The following MYH15 variants were observed in gnomAD, a reference collection of about 807,000 sequenced individuals.
The protein encoded by MYH15 is myosin-15.
In MYH15, 227 loss-of-function variants were observed where a neutral mutation model predicts 240.5. That is an observed-to-expected ratio of 0.94 (90% CI 0.85 to 1.05). MYH15 has a LOEUF of 1.05. Among genes scored for constraint, MYH15 ranks in the 50% least tolerant of loss-of-function variants. The probability of loss-of-function intolerance (pLI) is 0.00; values close to 1 mark genes in which losing one functional copy is unlikely to be tolerated. For synonymous variants in MYH15, 785 were observed against 796.7 expected (o/e 0.99, Z 0.25); for missense variants, 2,217 against 2,247.5 (o/e 0.99, Z 0.27).
At chr3:108,501,665 A>G (rs756085460) in intron 3 of MYH15, 47 bp downstream of exon 3, 1 of 1,610,570 alleles carries the variant, frequency 6.2e-7, no homozygotes, top group Non-Finnish European at 8.5e-7. Context: ...TGGGACATGC[A>G]ATGTGACTGC....
chr3:108,456,868 T>C lies in MYH15; in HGVS notation c.2036A>G (p.Tyr679Cys). The change falls in exon 19 of 41, where the codon TAC becomes TGC. Residue 679 changes from tyrosine to cysteine, a missense_variant. Coordinates refer to ENST00000693548, the MANE Select transcript of MYH15 (RefSeq NM_014981.3). ...ACAGCGCAACTGCTGTAGAACCAAGTAAGGGTCCAGTATACCTGGAAAAAA... is the reference window on the plus strand; with the variant it reads ...ACAGCGCAACTGCTGTAGAACCAAGCAAGGGTCCAGTATACCTGGAAAAAA... ...VNKIPGILDP[Y>C]LVLQQLRCNG... is the part of the protein sequence containing the mutation. The C allele has an allele frequency of 1.2e-6, 2 of 1,611,686 alleles. No homozygotes were observed. The highest frequency in any genetic ancestry group is 1.7e-6 in the Non-Finnish European group (2 of 1,178,500).
intron 12 of MYH15, 70 bp downstream of exon 12, chr3:108,476,326 AT>A: frequency 2.1e-6 from 2 of 973,482 alleles, no homozygotes; most frequent in Non-Finnish European, 3.1e-6. Flanking sequence ...TAGTTGAAAA[AT>A]ATACAGTACA....
chr3:108,550,571 TTTA>T, the MYH15 span: 1 of 151,510 alleles, frequency 6.6e-6, no homozygotes, highest in Non-Finnish European at 1.5e-5. Context: ...TTTTATACAT[TTTA>T]TTACCATTGC....
At position 108,383,749 on chromosome 3, in the gene MYH15, A is replaced by G. The variant is rs1560301039; in HGVS notation, c.5632-20T>C. ...TGTTTCCTATAAAAATAAAAAAAAA[A>G]AAAAAGAAATCTCCATGCCTATATA... On this transcript the variant is annotated intron_variant, in intron 39 of 40. Coordinates refer to ENST00000693548, the MANE Select transcript of MYH15 (RefSeq NM_014981.3). 2.6e-6 allele frequency: 4 copies of G among 1,537,138 alleles called. No individual in the cohort carries two copies. The highest frequency in any genetic ancestry group is 2.3e-5 in the East Asian group (1 of 44,064).
chr3:108,455,812 C>T lies in MYH15; in HGVS notation c.2186G>A (p.Ser729Asn). The T allele has an allele frequency of 6.2e-7, 1 of 1,613,204 alleles. No homozygotes were observed. The highest frequency in any genetic ancestry group is 2.2e-5 in the East Asian group (1 of 44,852). ...TAATTCTTCAGCTGCTTTTCTGCTGCTCACAAACTTGCTCTTTGGAAAGGT... is the reference window on the plus strand; with the variant it reads ...TAATTCTTCAGCTGCTTTTCTGCTGTTCACAAACTTGCTCTTTGGAAAGGT... ...PRTFPKSKFVSSRKAAEELLG... is the reference protein window; with the variant it reads ...PRTFPKSKFVNSRKAAEELLG... The change falls in exon 20 of 41, where the codon AGC (serine) becomes AAC (asparagine). Residue 729 changes from serine to asparagine, a missense_variant. Transcript: ENST00000693548.
chr3:108,479,412 T>G lies in MYH15; in HGVS notation c.1115-2897A>C, dbSNP rs72941720. On this transcript the variant is annotated intron_variant, in intron 11 of 40. Coordinates refer to ENST00000693548, the MANE Select transcript of MYH15 (RefSeq NM_014981.3). The stretch of plus-strand genomic sequence containing the variant: ...AAACAACAGGCTCCCTGAAGCAGGT[T>G]AGGGGCTGGGCCGCTCTAGTTTTAT... Among the ~76,000 whole-genome samples the G allele has an allele frequency of 9.2e-3, 1,407 of 152,296 alleles. 23 individuals are homozygous for G. The highest frequency in any genetic ancestry group is 0.032 in the African/African-American group (1,326 of 41,560).
intron 21 of MYH15, among the ~76,000 whole-genome samples, chr3:108,453,637 T>G (rs1003750318): frequency 3.3e-5 from 5 of 152,142 alleles, no homozygotes; most frequent in African/African-American, 1.2e-4. Context: ...AACACCTCGG[T>G]CTTTGAAGCA....
chr3:108,480,586 C>G (rs1290681755), intron 11 of MYH15, among the ~76,000 whole-genome samples: 2 of 152,016 alleles, frequency 1.3e-5, no homozygotes, highest in African/African-American at 4.8e-5. Flanking sequence ...CAGAGTGAAC[C>G]CATTGCAGAA....
chr3:108,417,482 G>A (rs2082643688), intron 28 of MYH15, among the ~76,000 whole-genome samples: 1 of 152,022 alleles, frequency 6.6e-6, no homozygotes, highest in South Asian at 2.1e-4. Context: ...CTTGTAAGAT[G>A]AAGATAACAA....
chr3:108,398,988 T>C, intron 34 of MYH15, 87 bp downstream of exon 34: 7 of 1,487,300 alleles, frequency 4.7e-6, no homozygotes, highest in East Asian at 2.3e-5. Flanking sequence ...TCATCTTTAC[T>C]GCTGAACACA....
At chr3:108,492,669 G>C in intron 8 of MYH15, 74 bp from the exon 9 acceptor site, 5 of 1,064,768 alleles carry the variant, frequency 4.7e-6, no homozygotes, top group Non-Finnish European at 7.0e-6. Context: ...TAATCAGGCT[G>C]AGCGCAGTGG....
rs539409374 is a variant in MYH15 at position 108,441,011 on chromosome 3, A to G, written c.2898+7T>C. 6.2e-7 allele frequency: 1 copy of G among 1,613,380 alleles called. No homozygotes were observed. Among genetic ancestry groups the G allele is most frequent in the Admixed American group, 1.7e-5 (1 of 59,990 alleles). ...GGCCTTCTTAACTAACATTATGGAA[A>G]AAGTACCTTGTGCTCTGTAGTACGC... On this transcript the variant is annotated splice_region_variant and intron_variant, in intron 23 of 40. Transcript: ENST00000693548.
In MYH15 at chr3:108,491,750, G is replaced by T. The variant is rs376656713; in HGVS notation, c.871+750C>A. On this transcript the variant is annotated intron_variant, in intron 9 of 40. Coordinates refer to ENST00000693548, the MANE Select transcript of MYH15 (RefSeq NM_014981.3). Reference sequence around the variant, plus strand: ...CAACTCCCTGAGTTCAGAAACCATCGGAATAAAATCTCCACTATTCCTCTG... The same window carrying T: ...CAACTCCCTGAGTTCAGAAACCATCTGAATAAAATCTCCACTATTCCTCTG... 1.2e-4 allele frequency among the ~76,000 whole-genome samples: 19 copies of T among 152,088 alleles called. 3 individuals are homozygous for T. In the East Asian group the frequency reaches 1.5e-3, roughly 12 times the overall value.
chr3:108,546,373 T>C, the MYH15 span, among the ~76,000 whole-genome samples: 1 of 152,188 alleles, frequency 6.6e-6, no homozygotes, highest in Admixed American at 6.5e-5. Flanking sequence ...TGAGATGAAA[T>C]ATGATACTTA....
chr3:108,483,332 G>C (rs902633350), intron 11 of MYH15, among the ~76,000 whole-genome samples: 1 of 150,196 alleles, frequency 6.7e-6, no homozygotes, highest in African/African-American at 2.5e-5. Context: ...CACATAAAAA[G>C]ATGTTCAACA....
At chr3:108,493,687 A>G (rs2083370483) in intron 7 of MYH15, among the ~76,000 whole-genome samples, 1 of 152,242 alleles carries the variant, frequency 6.6e-6, no homozygotes, top group African/African-American at 2.4e-5. Flanking sequence ...CTACTGCAAC[A>G]GCTCTGACAT....
At chr3:108,541,070 A>G in the MYH15 span, among the ~76,000 whole-genome samples, 1 of 152,064 alleles carries the variant, frequency 6.6e-6, no homozygotes, top group Admixed American at 6.6e-5. Context: ...ACATGAAAAG[A>G]TACACTATGT....
At chr3:108,386,353 C>T (rs751298657) in intron 38 of MYH15, among the ~76,000 whole-genome samples, 6 of 152,156 alleles carry the variant, frequency 3.9e-5, no homozygotes, top group East Asian at 1.9e-4. Flanking sequence ...TGACTATGCA[C>T]GTCCTAGATT....
intron 1 of MYH15, among the ~76,000 whole-genome samples, chr3:108,510,043 C>T (rs78987254): frequency 0.11 from 17,401 of 152,164 alleles, 2,115 homozygotes; most frequent in East Asian, 0.62. Flanking sequence ...TTCTTCCCCA[C>T]AATGTACAAA....
Sources: allele counts gnomAD v4.1 joint callset (sites outside exome capture counted in the v4.1 genomes callset), GRCh38; gene constraint gnomAD v4.1.1; transcripts MANE v1.5; gene names NCBI Gene and HGNC (gene_info 2026-07-23, HGNC 2026-07-21).